AVEN: variants seen among roughly 807,000 people sequenced by gnomAD.
AVEN encodes apoptosis and caspase activation inhibitor, also known as cell death regulator Aven.
A neutral mutation model predicts 38.1 loss-of-function variants in AVEN; 41 were observed. That is an observed-to-expected ratio of 1.08 (90% CI 0.84 to 1.40). The LOEUF (loss-of-function observed/expected upper bound fraction) is 1.40, where lower values mean the gene tolerates loss of function less well. Among genes scored for constraint, AVEN ranks in the 40% most tolerant of loss-of-function variants. The probability of loss-of-function intolerance (pLI) is 0.00; values close to 1 mark genes in which losing one functional copy is unlikely to be tolerated. For missense variants in AVEN, 605 were observed against 438.8 expected (o/e 1.38, Z -3.38); for synonymous variants, 206 against 171.8 (o/e 1.20, Z -1.56).
intron 2 of AVEN, among the ~76,000 whole-genome samples, chr15:33,961,962 A>G (rs1243021507): frequency 2.0e-5 from 3 of 152,132 alleles, no homozygotes; most frequent in African/African-American, 7.2e-5. Context: ...ATTTTAAAGA[A>G]ATTATTTTCA....
At chr15:33,936,205 A>G (rs558308664) in intron 2 of AVEN, among the ~76,000 whole-genome samples, 1 of 152,296 alleles carries the variant, frequency 6.6e-6, no homozygotes, top group East Asian at 1.9e-4. Flanking sequence ...TCGATAAGAA[A>G]AAGATCAGTA....
chr15:33,864,434 A>T (rs769609199), downstream of AVEN, among the ~76,000 whole-genome samples: 19 of 151,218 alleles, frequency 1.3e-4, no homozygotes, highest in Non-Finnish European at 2.2e-4. Context: ...GGTGGGGAGA[A>T]CATTACAGAG....
At chr15:34,038,317 C>T (rs1204545555) in intron 1 of AVEN, among the ~76,000 whole-genome samples, 1 of 152,226 alleles carries the variant, frequency 6.6e-6, no homozygotes, top group African/African-American at 2.4e-5. Context: ...AGGCATTGCA[C>T]AGACAGTTAA....
chr15:33,883,070 G>A (rs560303085), intron 2 of AVEN, among the ~76,000 whole-genome samples: 1 of 152,290 alleles, frequency 6.6e-6, no homozygotes, highest in African/African-American at 2.4e-5. Flanking sequence ...GGGCTGATAA[G>A]GAGATCAAGT....
intron 2 of AVEN, among the ~76,000 whole-genome samples, chr15:33,884,676 A>G (rs1028741481): frequency 6.6e-6 from 1 of 152,172 alleles, no homozygotes; most frequent in African/African-American, 2.4e-5. Flanking sequence ...CAGCCCTATC[A>G]ACAAAAAAAG....
chr15:33,950,120 A>T (rs758454136), intron 2 of AVEN, among the ~76,000 whole-genome samples: 1 of 152,338 alleles, frequency 6.6e-6, no homozygotes, highest in South Asian at 2.1e-4. Flanking sequence ...GCACAGCAAG[A>T]CAAATATTGT....
intron 2 of AVEN, among the ~76,000 whole-genome samples, chr15:33,902,787 T>C (rs1443686282): frequency 1.3e-5 from 2 of 152,072 alleles, no homozygotes; most frequent in African/African-American, 4.8e-5. Flanking sequence ...GAAAAAGAAA[T>C]CAAGACAACA....
intron 3 of AVEN, among the ~76,000 whole-genome samples, chr15:33,872,013 G>C (rs1271114698): frequency 6.6e-6 from 1 of 152,206 alleles, no homozygotes; most frequent in Non-Finnish European, 1.5e-5. Flanking sequence ...CAGCTCCCAT[G>C]TCAGCCTGGT....
downstream of AVEN, chr15:33,865,866 A>T (rs536610851): frequency 6.5e-6 from 1 of 152,686 alleles, no homozygotes; most frequent in African/African-American, 2.4e-5. Flanking sequence ...CTTCCGTCTT[A>T]CTTTATGAAA....
At chr15:33,965,668 G>A (rs1895356757) in intron 2 of AVEN, among the ~76,000 whole-genome samples, 1 of 152,090 alleles carries the variant, frequency 6.6e-6, no homozygotes, top group Non-Finnish European at 1.5e-5. Flanking sequence ...AGAATACATA[G>A]AGTTGTAAAA....
chr15:33,983,128 CTGTG>C (rs373285133), intron 2 of AVEN, among the ~76,000 whole-genome samples: 4,403 of 135,224 alleles, frequency 0.033, 130 homozygotes, highest in African/African-American at 0.073. Flanking sequence ...TGTCCATACT[CTGTG>C]TGTGTGTGTG....
At chr15:34,052,964 T>C (rs913113614) in intron 5 of AVEN, among the ~76,000 whole-genome samples, 2 of 152,076 alleles carry the variant, frequency 1.3e-5, no homozygotes, top group Non-Finnish European at 1.5e-5. Flanking sequence ...GAAACTACCA[T>C]TGATATTCTT....
chr15:34,064,530 C>T (rs1464215317), intron 4 of AVEN: 3 of 602,698 alleles, frequency 5.0e-6, no homozygotes, highest in East Asian at 2.9e-5. Context: ...ATGACCAAGG[C>T]CATTTGATGC....
At chr15:34,005,211 C>T (rs1897293122) in intron 1 of AVEN, among the ~76,000 whole-genome samples, 1 of 152,060 alleles carries the variant, frequency 6.6e-6, no homozygotes, top group South Asian at 2.1e-4. Context: ...TAATAAATTT[C>T]ATTTCATATA....
chr15:33,853,138 T>A, the AVEN span: 7 of 1,456,954 alleles, frequency 4.8e-6, no homozygotes, highest in African/African-American at 1.4e-5. Flanking sequence ...AAATGTGGTG[T>A]ATGTTTTTTA....
intron 2 of AVEN, among the ~76,000 whole-genome samples, chr15:33,967,143 T>C (rs1895419160): frequency 6.6e-6 from 1 of 152,272 alleles, no homozygotes; most frequent in Non-Finnish European, 1.5e-5. Flanking sequence ...TAAAGATATG[T>C]TCTCTTGCAT....
chr15:34,051,022 C>A (rs1899909941), intron 5 of AVEN, among the ~76,000 whole-genome samples: 1 of 152,210 alleles, frequency 6.6e-6, no homozygotes, highest in African/African-American at 2.4e-5. Flanking sequence ...TTATAGAACT[C>A]TCCACCCCAA....
rs2303310 is a variant in AVEN, at chr15:33,860,576, T to A, written n.2730-1482A>T. The A allele has an allele frequency of 0.7, 1,066,917 of 1,528,146 alleles. 387,063 individuals carry two copies. Among genetic ancestry groups the A allele is most frequent in the Non-Finnish European group, 0.75 (840,961 of 1,121,408 alleles). 94.7% of individuals were successfully genotyped at this position (1,528,146 alleles called of 1,614,324 possible). A position where few individuals can be genotyped will look rare whatever the true frequency, so the allele number is the denominator to read the frequency against. On this transcript the variant is annotated intron_variant and non_coding_transcript_variant, in intron 11 of 11. Transcript: ENST00000675287. ...GAACCACTACACAGATTGCTTTGTC[T>A]TTGTATTTAACATTCCAGGTCTTAT...
intron 2 of AVEN, among the ~76,000 whole-genome samples, chr15:33,968,413 G>T (rs1032873621): frequency 1.2e-4 from 19 of 152,066 alleles, no homozygotes; most frequent in Admixed American, 6.6e-4. Context: ...GTCCAGCAGG[G>T]GAAGTAATTA....
Sources: gnomAD v4.1 joint callset for allele counts (sites outside exome capture counted in the v4.1 genomes callset) on GRCh38, gnomAD v4.1.1 for gene constraint, MANE v1.5 for transcripts, NCBI Gene and HGNC (gene_info 2026-07-23, HGNC 2026-07-21) for gene names.